RBFOX1: variants seen among roughly 807,000 people sequenced by gnomAD.
The protein encoded by RBFOX1 is RNA binding fox-1 homolog 1, also known as RNA binding protein fox-1 homolog 1.
In RBFOX1, 8 loss-of-function variants were observed where a neutral mutation model predicts 57.7. The ratio of observed to expected loss-of-function variants is 0.14; its 90% CI spans 0.08 to 0.25. The LOEUF (loss-of-function observed/expected upper bound fraction) is 0.25. RBFOX1 is among the 10% of genes least tolerant of loss of function. RBFOX1 has a pLI of 1.00. For synonymous variants in RBFOX1, 326 were observed against 222.4 expected (o/e 1.47, Z -4.15); for missense variants, 611 against 548.5 (o/e 1.11, Z -1.14).
chr16:6,332,707 T>A (rs2083188322), intron 2 of RBFOX1, among the ~76,000 whole-genome samples: 1 of 152,152 alleles, frequency 6.6e-6, no homozygotes, highest in South Asian at 2.1e-4. Flanking sequence ...AAAAATTCCC[T>A]CTCCTAACCA....
chr16:7,541,428 G>A (rs750937330), intron 5 of RBFOX1, among the ~76,000 whole-genome samples: 10 of 151,756 alleles, frequency 6.6e-5, no homozygotes, highest in East Asian at 1.9e-4. Context: ...CATCTTCTGC[G>A]TCAAAGGATC....
chr16:6,160,620 G>C (rs1424263264), intron 1 of RBFOX1, among the ~76,000 whole-genome samples: 2 of 152,122 alleles, frequency 1.3e-5, no homozygotes, highest in African/African-American at 4.8e-5. Flanking sequence ...TCTCCTGTCT[G>C]TTCCCAGTGG....
intron 14 of RBFOX1, among the ~76,000 whole-genome samples, chr16:7,705,804 G>C (rs909477634): frequency 1.3e-5 from 2 of 152,098 alleles, no homozygotes; most frequent in African/African-American, 4.8e-5. Flanking sequence ...TGAACTAGTG[G>C]CATATATTAG....
intron 3 of RBFOX1, chr16:6,723,989 C>G (rs1246205657): frequency 6.6e-6 from 1 of 152,054 alleles, no homozygotes. Flanking sequence ...TTTCACTTAA[C>G]CGTTTGGGAG....
At chr16:6,613,889 G>C (rs1302348095) in intron 2 of RBFOX1, among the ~76,000 whole-genome samples, 1 of 152,176 alleles carries the variant, frequency 6.6e-6, no homozygotes, top group South Asian at 2.1e-4. Flanking sequence ...AGTGAGCTGA[G>C]ATTGTGCCAC....
At chr16:6,243,319 G>T (rs1430853187) in intron 1 of RBFOX1, among the ~76,000 whole-genome samples, 1 of 152,126 alleles carries the variant, frequency 6.6e-6, no homozygotes, top group Non-Finnish European at 1.5e-5. Flanking sequence ...TAGTTGAATT[G>T]GGAGAAATAA....
intron 3 of RBFOX1, among the ~76,000 whole-genome samples, chr16:6,902,367 A>G (rs964719565): frequency 2.6e-5 from 4 of 152,204 alleles, no homozygotes; most frequent in Non-Finnish European, 4.4e-5. Flanking sequence ...TTGGTGAAAC[A>G]AGTGAATATC....
At chr16:5,554,962 G>T (rs1026929100) in intron 2 of RBFOX1, among the ~76,000 whole-genome samples, 2 of 152,192 alleles carry the variant, frequency 1.3e-5, no homozygotes, top group Non-Finnish European at 2.9e-5. Flanking sequence ...TTTCCATGGG[G>T]CTTGAATGGT....
At chr16:6,922,819 G>C (rs890376557) in intron 3 of RBFOX1, among the ~76,000 whole-genome samples, 94 of 152,178 alleles carry the variant, frequency 6.2e-4, no homozygotes, top group East Asian at 9.6e-4. Context: ...AGGTGGGATT[G>C]TGTGATGATG....
chr16:6,117,956 A>G (rs551278801), intron 1 of RBFOX1, among the ~76,000 whole-genome samples: 3 of 152,324 alleles, frequency 2.0e-5, no homozygotes, highest in African/African-American at 7.2e-5. Flanking sequence ...AAATATTTCT[A>G]GTAAGAACAC....
intron 2 of RBFOX1, among the ~76,000 whole-genome samples, chr16:5,495,305 C>T (rs537353072): frequency 8.5e-5 from 13 of 152,326 alleles, no homozygotes; most frequent in South Asian, 4.1e-4. Flanking sequence ...GAGTCTGCAG[C>T]GATTCTCGAA....
At chr16:6,963,792 G>A (rs1217805201) in intron 3 of RBFOX1, among the ~76,000 whole-genome samples, 4 of 151,510 alleles carry the variant, frequency 2.6e-5, no homozygotes, top group Non-Finnish European at 4.4e-5. Flanking sequence ...TCCACCTCCC[G>A]GGTTCATGCC....
intron 3 of RBFOX1, among the ~76,000 whole-genome samples, chr16:6,982,457 G>A (rs2089183768): frequency 6.6e-6 from 1 of 152,122 alleles, no homozygotes; most frequent in Non-Finnish European, 1.5e-5. Context: ...ATTGCAGCGA[G>A]CTCCTTCTCA....
chr16:7,216,165 A>C (rs1481990905), intron 4 of RBFOX1, among the ~76,000 whole-genome samples: 3 of 152,112 alleles, frequency 2.0e-5, no homozygotes, highest in Non-Finnish European at 2.9e-5. Flanking sequence ...ACCATGTTGT[A>C]TTTACCTCTT....
chr16:6,823,439 T>C (rs1603629109), intron 3 of RBFOX1, among the ~76,000 whole-genome samples: 1 of 151,990 alleles, frequency 6.6e-6, no homozygotes. Context: ...GTATTTTTAA[T>C]AGAGATGGGG....
At chr16:6,881,016 G>A (rs2062826317) in intron 3 of RBFOX1, among the ~76,000 whole-genome samples, 1 of 152,152 alleles carries the variant, frequency 6.6e-6, no homozygotes, top group Non-Finnish European at 1.5e-5. Flanking sequence ...AAAATACGTG[G>A]CCCATACCCT....
intron 1 of RBFOX1, among the ~76,000 whole-genome samples, chr16:6,270,971 G>C (rs372165241): frequency 6.6e-6 from 1 of 152,182 alleles, no homozygotes; most frequent in Admixed American, 6.5e-5. Context: ...GAGTCTCCAG[G>C]AAAATAAATA....
At chr16:7,472,753 A>G (rs2061801995) in intron 4 of RBFOX1, among the ~76,000 whole-genome samples, 1 of 152,160 alleles carries the variant, frequency 6.6e-6, no homozygotes, top group Non-Finnish European at 1.5e-5. Context: ...CTGTGGCAAA[A>G]TTGTTTCACT....
At chr16:7,650,695 C>T (rs2064861680) in intron 11 of RBFOX1, among the ~76,000 whole-genome samples, 1 of 152,204 alleles carries the variant, frequency 6.6e-6, no homozygotes, top group African/African-American at 2.4e-5. Context: ...TAGCCAGTGA[C>T]AATGAATGGG....
Sources: allele counts gnomAD v4.1 joint callset (sites outside exome capture counted in the v4.1 genomes callset), GRCh38; gene constraint gnomAD v4.1.1; transcripts MANE v1.5; gene names NCBI Gene and HGNC (gene_info 2026-07-23, HGNC 2026-07-21).